Variants in POLR1B observed in about 807,000 individuals in gnomAD.
POLR1B encodes DNA-directed RNA polymerase I subunit RPA2.
Under a neutral mutation model 105.8 loss-of-function variants are expected in POLR1B, and 30 were observed. The ratio of observed to expected loss-of-function variants is 0.28; its 90% confidence interval spans 0.21 to 0.38. POLR1B has a LOEUF of 0.38. POLR1B is among the 10% of genes least tolerant of loss of function. The pLI is 1.00. For synonymous variants in POLR1B, 485 were observed against 505.1 expected, an observed-to-expected ratio of 0.96 and a Z score of 0.53; for missense variants, 976 against 1,435.8, an observed-to-expected ratio of 0.68 and a Z score of 5.17.
At chr2:112,563,561 A>G (rs1016739691) in intron 9 of POLR1B, among the ~76,000 whole-genome samples, 1 of 152,100 alleles carries the variant, frequency 6.6e-6, no homozygotes, top group African/African-American at 2.4e-5. Context: ...TGTCATTTCA[A>G]CAATGTTTAC....
At position 112,578,779 on chromosome 2, in the gene POLR1B, A is replaced by G. The variant is rs374813753; in HGVS notation, c.*3050A>G. Reference sequence around the variant, plus strand: ...CTCTATATATTTTTTCTATACATACATACCTTTGATGTTTAATTAAGCACT... The same window carrying G: ...CTCTATATATTTTTTCTATACATACGTACCTTTGATGTTTAATTAAGCACT... On this transcript the variant is annotated 3_prime_UTR_variant, in exon 15 of 15. Transcript: ENST00000263331. Among the ~76,000 whole-genome samples the G allele has an allele frequency of 6.6e-6, 1 of 152,190 alleles. No individual in the cohort carries two copies. Among genetic ancestry groups the G allele is most frequent in the East Asian group, 1.9e-4 (1 of 5,206 alleles).
chr2:112,567,240 C>A (rs1244357089), intron 10 of POLR1B, among the ~76,000 whole-genome samples: 1 of 152,136 alleles, frequency 6.6e-6, no homozygotes, highest in Non-Finnish European at 1.5e-5. Context: ...AACATTCTCT[C>A]ATTTTTAATG....
intron 4 of POLR1B, 67 bp downstream of exon 4, chr2:112,549,466 G>C: frequency 1.7e-6 from 2 of 1,204,518 alleles, no homozygotes; most frequent in Admixed American, 3.1e-5. Context: ...TTTTGAAGTA[G>C]ATGCATCCAA....
chr2:112,552,534 T>A lies in POLR1B; in HGVS notation c.987-111T>A. On this transcript the variant is annotated intron_variant, in intron 6 of 14. Transcript: ENST00000263331. Reference sequence around the variant, plus strand: ...GTAGCTCAAAAACTGAATGCTTAATTTTATTTAATTAAAGTTAAGTAAGCA... The same window carrying A: ...GTAGCTCAAAAACTGAATGCTTAATATTATTTAATTAAAGTTAAGTAAGCA... The A allele has an allele frequency of 4.2e-6, 5 of 1,185,458 alleles. No homozygotes were observed. The South Asian group carries it at 8.6e-5, about 20-fold the overall frequency. 73.4% of individuals were successfully genotyped at this position (1,185,458 alleles called of 1,614,324 possible).
intron 7 of POLR1B, chr2:112,553,328 A>G (rs1683471330): frequency 6.6e-6 from 1 of 151,902 alleles, no homozygotes; most frequent in African/African-American, 2.4e-5. Flanking sequence ...ATTTGGTGCT[A>G]TGTTTTTCAC....
intron 9 of POLR1B, among the ~76,000 whole-genome samples, chr2:112,562,931 G>C (rs2104552229): frequency 6.6e-6 from 1 of 151,628 alleles, no homozygotes; most frequent in African/African-American, 2.4e-5. Context: ...GTTTTTCCAT[G>C]TTGGTCAGGT....
intron 12 of POLR1B, among the ~76,000 whole-genome samples, chr2:112,570,935 T>C (rs1255521162): frequency 6.6e-6 from 1 of 152,034 alleles, no homozygotes; most frequent in Non-Finnish European, 1.5e-5. Flanking sequence ...TGTGCCACCA[T>C]GCCCAGCTAA....
At position 112,578,708 on chromosome 2, in the gene POLR1B, TG is replaced by T. The variant is rs1231707057; in HGVS notation, c.*2981del. 2.0e-5 allele frequency among the ~76,000 whole-genome samples: 3 copies of T among 152,214 alleles called. No homozygotes were observed. Among genetic ancestry groups the T allele is most frequent in the Admixed American group, 2.0e-4 (3 of 15,284 alleles). ...GACTCCCAGTGAGTGTCTGAAACCA[TG>T]GATAGTATATACACTATCCATATGT... On this transcript the variant is annotated 3_prime_UTR_variant, in exon 15 of 15. Coordinates refer to ENST00000263331, the MANE Select transcript of POLR1B (RefSeq NM_019014.6).
chr2:112,558,110 G>A, intron 8 of POLR1B, 29 bp downstream of exon 8: 1 of 1,310,278 alleles, frequency 7.6e-7, no homozygotes, highest in East Asian at 2.8e-5. Context: ...TTTTAGTTAT[G>A]TTTTTCAAAT....
chr2:112,542,612 C>T lies in POLR1B; in HGVS notation c.118C>T (p.Arg40Trp), dbSNP rs1221356929. ...AAAGGCAGCGTTGCAGGAGCTGACG[C>T]GGGCGCACGTGGAGTCCTTCAACTA... ...QQKAALQELT[R>W]AHVESFNYAV... is the part of the protein sequence containing the mutation. Residue 40 changes from arginine to tryptophan, a missense_variant, in exon 1 of 15, where the codon CGG becomes TGG. This residue lies in a region of POLR1B where 452 missense variants were observed against 616.5 expected (regional missense o/e 0.73). Transcript: ENST00000263331. 4 of 1,614,026 alleles carry T rather than the reference C, an allele frequency of 2.5e-6. No homozygotes were observed. Among genetic ancestry groups the T allele is most frequent in the Non-Finnish European group, 3.4e-6 (4 of 1,180,046 alleles).
Position 112,559,432 on chromosome 2 carries a change from G to A in POLR1B, c.1470G>A (p.Leu490=). The A allele has an allele frequency of 6.2e-7, 1 of 1,614,240 alleles. No homozygotes were observed. Among genetic ancestry groups the A allele is most frequent in the Non-Finnish European group, 8.5e-7 (1 of 1,180,042 alleles). ...KMRTTTVRRL[L]PESWGFLCPV... ...GGACCACCACAGTACGCAGGCTGCTGCCAGAGTCCTGGGGCTTCCTTTGTC... is the reference window on the plus strand; with the variant it reads ...GGACCACCACAGTACGCAGGCTGCTACCAGAGTCCTGGGGCTTCCTTTGTC... Residue 490 remains leucine (L), a synonymous_variant, in exon 9 of 15, where the codon CTG becomes CTA. Coordinates refer to ENST00000263331, the MANE Select transcript of POLR1B (RefSeq NM_019014.6).
intron 9 of POLR1B, among the ~76,000 whole-genome samples, chr2:112,560,066 A>G (rs1213532803): frequency 1.3e-5 from 2 of 152,038 alleles, no homozygotes; most frequent in East Asian, 1.9e-4. Context: ...GGCCGAATGC[A>G]TTCTTTGAAA....
upstream of POLR1B, chr2:112,542,265 G>C: frequency 2.6e-6 from 4 of 1,533,888 alleles, no homozygotes; most frequent in Non-Finnish European, 3.5e-6. Context: ...GGGAGGGCCC[G>C]CCACGCTCTG....
rs764672780 is a variant in POLR1B at position 112,550,868 on chromosome 2, G to A, written c.628G>A (p.Val210Ile). The A allele has an allele frequency of 1.2e-6, 2 of 1,613,432 alleles. No individual in the cohort carries two copies. The highest frequency in any genetic ancestry group is 2.2e-5 in the East Asian group (1 of 44,866). Residue 210 changes from valine to isoleucine, a missense_variant and splice_region_variant, in exon 5 of 15, where the codon GTT becomes ATT. Val to Ile is a conservative substitution (Grantham distance 29). Around this residue, in one of 12 missense-constraint regions of POLR1B, gnomAD observed 452 missense variants for 616.5 expected, o/e 0.73. Coordinates refer to ENST00000263331, the MANE Select transcript of POLR1B (RefSeq NM_019014.6). Reference sequence around the variant, plus strand: ...TTTTTTGTTGTTTGGTTCAATAGGAGTTTCAATGCACTGTGTGAGGGAAGA... The same window carrying A: ...TTTTTTGTTGTTTGGTTCAATAGGAATTTCAATGCACTGTGTGAGGGAAGA... ...TRGPGYTQYG[V>I]SMHCVREEHS... is the part of the protein sequence containing the mutation.
At chr2:112,542,219 G>A, upstream of POLR1B, 3 of 1,535,666 alleles carry the variant, frequency 2.0e-6, no homozygotes, top group Non-Finnish European at 2.6e-6. Context: ...CATCTTTCGC[G>A]AGCGGGGAGA....
chr2:112,578,154 C>G lies in POLR1B; in HGVS notation c.*2425C>G, dbSNP rs1240674799. The stretch of plus-strand genomic sequence containing the variant: ...CTAAGAAATTGGCATTGGAACAGTC[C>G]ACAGAGCTTATTCAAATTTCACCCA... On this transcript the variant is annotated 3_prime_UTR_variant, in exon 15 of 15. Coordinates refer to ENST00000263331, the MANE Select transcript of POLR1B (RefSeq NM_019014.6). Among the ~76,000 whole-genome samples the G allele has an allele frequency of 1.3e-5, 2 of 152,154 alleles. No individual in the cohort carries two copies. Among genetic ancestry groups the G allele is most frequent in the Non-Finnish European group, 2.9e-5 (2 of 68,032 alleles).
rs1386745514 is a variant in POLR1B, at chr2:112,542,609, A to G, written c.115A>G (p.Thr39Ala). The change falls in exon 1 of 15, where the codon ACG (threonine) becomes GCG (alanine). Residue 39 changes from threonine (T) to alanine (A), a missense_variant. Coordinates refer to ENST00000263331, the MANE Select transcript of POLR1B (RefSeq NM_019014.6). ...GCAAAAGGCAGCGTTGCAGGAGCTGACGCGGGCGCACGTGGAGTCCTTCAA... is the reference window on the plus strand; with the variant it reads ...GCAAAAGGCAGCGTTGCAGGAGCTGGCGCGGGCGCACGTGGAGTCCTTCAA... ...EQQKAALQEL[T>A]RAHVESFNYA... The G allele has an allele frequency of 3.1e-6, 5 of 1,614,154 alleles. No homozygotes were observed. Among genetic ancestry groups the G allele is most frequent in the African/African-American group, 2.7e-5 (2 of 75,074 alleles).
intron 1 of POLR1B, 71 bp downstream of exon 1, chr2:112,542,742 G>A (rs1028802142): frequency 1.0e-4 from 158 of 1,565,342 alleles, no homozygotes; most frequent in Middle Eastern, 3.5e-4. Context: ...GGAGGTCACA[G>A]TATGACCCCA....
chr2:112,547,487 C>G lies in POLR1B; in HGVS notation c.412C>G (p.Pro138Ala). The change falls in exon 3 of 15, where the codon CCC becomes GCC. Residue 138 changes from proline (P) to alanine (A), a missense_variant. Physicochemically the swap from Pro to Ala is conservative, Grantham distance 27. This residue lies in a region of POLR1B where 452 missense variants were observed against 616.5 expected (regional missense o/e 0.73). Transcript: ENST00000263331. Reference protein sequence around the residue: ...GIIKQFLGYVPIMVKSKLCNL... With the variant: ...GIIKQFLGYVAIMVKSKLCNL... ...CATTAAGCAGTTTCTTGGCTATGTT[C>G]CCATCATGGTGAAATCCAAGCTTTG... 6.2e-7 allele frequency: 1 copy of G among 1,614,032 alleles called. No individual in the cohort carries two copies. Among genetic ancestry groups the G allele is most frequent in the Non-Finnish European group, 8.5e-7 (1 of 1,179,950 alleles).
Sources: allele counts gnomAD v4.1 joint callset (sites outside exome capture counted in the v4.1 genomes callset), GRCh38; gene constraint gnomAD v4.1.1; regional missense constraint gnomAD v4.1.1; transcripts MANE v1.5; gene names NCBI Gene and HGNC (gene_info 2026-07-23, HGNC 2026-07-21).